The following INHBE variants were observed in gnomAD, a reference collection of about 807,000 sequenced individuals.
INHBE encodes inhibin beta E chain.
In INHBE, 19 loss-of-function variants were observed where a neutral mutation model predicts 27.8. That is an observed-to-expected ratio of 0.68 (90% confidence interval 0.48 to 1.00). The LOEUF (loss-of-function observed/expected upper bound fraction) is 1.00, where lower values mean the gene tolerates loss of function less well. INHBE is among the 50% of genes least tolerant of loss of function. The pLI is 0.00. For missense variants in INHBE, 398 were observed against 433.9 expected (o/e 0.92, Z 0.73); for synonymous variants, 196 against 187.2 (o/e 1.05, Z -0.38).
In INHBE at chr12:57,456,394, C is replaced by G; in HGVS notation, c.599C>G (p.Thr200Arg). ...LDCRPLEGNS[T>R]VTGQPRRLLD... Reference sequence around the variant, plus strand: ...TGCAGACCCCTAGAAGGCAACAGCACAGTTACTGGACAACCGAGGCGGCTC... The same window carrying G: ...TGCAGACCCCTAGAAGGCAACAGCAGAGTTACTGGACAACCGAGGCGGCTC... The change falls in exon 2 of 2, where the codon ACA becomes AGA. Residue 200 changes from threonine to arginine, a missense_variant. Transcript: ENST00000266646. 6.2e-7 allele frequency: 1 copy of G among 1,614,170 alleles called. No homozygotes were observed. Among genetic ancestry groups the G allele is most frequent in the Non-Finnish European group, 8.5e-7 (1 of 1,180,032 alleles).
In INHBE at chr12:57,456,637, C is replaced by T; in HGVS notation, c.842C>T (p.Pro281Leu). 2 of 1,614,172 alleles carry T rather than the reference C, an allele frequency of 1.2e-6. No homozygotes were observed. The highest frequency in any genetic ancestry group is 1.7e-6 in the Non-Finnish European group (2 of 1,180,030). The change falls in exon 2 of 2, where the codon CCT (proline) becomes CTT (leucine). Residue 281 changes from proline (P) to leucine (L), a missense_variant. By Grantham distance (98) the Pro-to-Leu change is moderately conservative (BLOSUM62 -3). Coordinates refer to ENST00000266646, the MANE Select transcript of INHBE (RefSeq NM_031479.5). Reference protein sequence around the residue: ...YQLNYCSGQCPPHLAGSPGIA... With the variant: ...YQLNYCSGQCLPHLAGSPGIA... ...CTGAATTACTGCAGTGGGCAGTGCC[C>T]TCCCCACCTGGCTGGCAGCCCAGGC...
Position 57,456,671 on chromosome 12 carries a change from C to A in INHBE, c.876C>A (p.Ala292=). The change falls in exon 2 of 2, where the codon GCC becomes GCA. Residue 292 remains alanine (A), a synonymous_variant. Transcript: ENST00000266646. The part of the protein sequence containing the change: ...PHLAGSPGIA[A]SFHSAVFSLL... Reference sequence around the variant, plus strand: ...TGGCTGGCAGCCCAGGCATTGCTGCCTCTTTCCATTCTGCCGTCTTCAGCC... The same window carrying A: ...TGGCTGGCAGCCCAGGCATTGCTGCATCTTTCCATTCTGCCGTCTTCAGCC... The A allele has an allele frequency of 6.2e-7, 1 of 1,614,256 alleles. No individual in the cohort carries two copies. The highest frequency in any genetic ancestry group is 2.2e-5 in the East Asian group (1 of 44,892).
At position 57,455,435 on chromosome 12, in the gene INHBE, G is replaced by T; in HGVS notation, c.-102G>T. The T allele has an allele frequency of 8.7e-7, 1 of 1,148,036 alleles. No homozygotes were observed. Among genetic ancestry groups the T allele is most frequent in the Non-Finnish European group, 1.2e-6 (1 of 803,116 alleles). The allele number at this position is 1,148,036 out of a possible 1,614,324, so 71.1% of individuals were successfully genotyped here. On this transcript the variant is annotated 5_prime_UTR_variant, in exon 1 of 2. Transcript: ENST00000266646. ...TTGGCCAAGGGTAGGTGTGGCAGTG[G>T]TGTCTGCTGTCACTGTGCCCTCATT...
At position 57,456,548 on chromosome 12, in the gene INHBE, C is replaced by T. The variant is rs571336896; in HGVS notation, c.753C>T (p.Asp251=). Residue 251 remains aspartate, a synonymous_variant, in exon 2 of 2, where the codon GAC becomes GAT. Transcript: ENST00000266646. ...EPATPLCCRR[D]HYVDFQELGW... Reference sequence around the variant, plus strand: ...CGACCCCCTTATGTTGCAGGCGAGACCATTACGTAGACTTCCAGGAACTGG... The same window carrying T: ...CGACCCCCTTATGTTGCAGGCGAGATCATTACGTAGACTTCCAGGAACTGG... 5.6e-4 allele frequency: 907 copies of T among 1,614,162 alleles called. 10 individuals carry two copies. The South Asian group carries it at 8.2e-3, about 15-fold the overall frequency.
chr12:57,456,804 A>T lies in INHBE; in HGVS notation c.1009A>T (p.Thr337Ser), dbSNP rs1349029903. Residue 337 changes from threonine (T) to serine (S), a missense_variant, in exon 2 of 2, where the codon ACG (threonine) becomes TCG (serine). By Grantham distance (58) the Thr-to-Ser change is moderately conservative. Transcript: ENST00000266646. ...GGATCATAATGGCAATGTGGTCAAG[A>T]CGGATGTGCCAGATATGGTGGTGGA... ...YLDHNGNVVKTDVPDMVVEAC... is the reference protein window; with the variant it reads ...YLDHNGNVVKSDVPDMVVEAC... 6.2e-7 allele frequency: 1 copy of T among 1,614,056 alleles called. No individual in the cohort carries two copies. The highest frequency in any genetic ancestry group is 2.2e-5 in the East Asian group (1 of 44,858).
Position 57,456,645 on chromosome 12 carries a change from C to T in INHBE, c.850C>T (p.Leu284=). The T allele has an allele frequency of 6.2e-7, 1 of 1,614,230 alleles. No homozygotes were observed. The highest frequency in any genetic ancestry group is 1.1e-5 in the South Asian group (1 of 91,088). The change falls in exon 2 of 2, where the codon CTG becomes TTG. Residue 284 remains leucine, a synonymous_variant. Coordinates refer to ENST00000266646, the MANE Select transcript of INHBE (RefSeq NM_031479.5). The stretch of plus-strand genomic sequence containing the variant: ...CTGCAGTGGGCAGTGCCCTCCCCAC[C>T]TGGCTGGCAGCCCAGGCATTGCTGC... ...NYCSGQCPPH[L]AGSPGIAASF... is the part of the protein sequence containing the mutation.
Position 57,456,235 on chromosome 12 carries a change from C to T in INHBE, c.440C>T (p.Pro147Leu), listed in dbSNP as rs776724087. ...TLCLRIFRWG[P>L]RRRRQGSRTL... ...TGCTTGAGGATCTTCCGATGGGGAC[C>T]AAGGAGGAGGCGCCAAGGGTCCCGC... The change falls in exon 2 of 2, where the codon CCA becomes CTA. Residue 147 changes from proline (P) to leucine (L), a missense_variant. Physicochemically the swap from Pro to Leu is moderately conservative, Grantham distance 98 (BLOSUM62 -3). Transcript: ENST00000266646. 6.2e-7 allele frequency: 1 copy of T among 1,614,092 alleles called. No individual in the cohort carries two copies.
chr12:57,456,871 G>T lies in INHBE; in HGVS notation c.*23G>T, dbSNP rs576228282. 6.3e-7 allele frequency: 1 copy of T among 1,599,534 alleles called. No homozygotes were observed. Among genetic ancestry groups the T allele is most frequent in the Non-Finnish European group, 8.5e-7 (1 of 1,171,470 alleles). ...TAGCAAGAGGACCTGGGGCTTTGGA[G>T]TGAAGAGACCAAGATGAAGTTTCCC... On this transcript the variant is annotated 3_prime_UTR_variant, in exon 2 of 2. Coordinates refer to ENST00000266646, the MANE Select transcript of INHBE (RefSeq NM_031479.5).
chr12:57,456,586 G>T lies in INHBE; in HGVS notation c.791G>T (p.Trp264Leu). Residue 264 changes from tryptophan to leucine, a missense_variant, in exon 2 of 2, where the codon TGG (tryptophan) becomes TTG (leucine). Physicochemically the swap from Trp to Leu is moderately conservative, Grantham distance 61. Transcript: ENST00000266646. ...TTCCAGGAACTGGGATGGCGGGACT[G>T]GATACTGCAGCCCGAGGGGTACCAG... ...VDFQELGWRDWILQPEGYQLN... is the reference protein window; with the variant it reads ...VDFQELGWRDLILQPEGYQLN... The T allele has an allele frequency of 6.2e-7, 1 of 1,614,206 alleles. No homozygotes were observed. The highest frequency in any genetic ancestry group is 1.1e-5 in the South Asian group (1 of 91,090).
In INHBE at chr12:57,457,153, G is replaced by C. The variant is rs150144011; in HGVS notation, c.*305G>C. On this transcript the variant is annotated 3_prime_UTR_variant, in exon 2 of 2. Coordinates refer to ENST00000266646, the MANE Select transcript of INHBE (RefSeq NM_031479.5). ...TGTCAGGGACTAGGGAGGGAGGGAG[G>C]GAAGGCAGAGAAAAATTACTTAGCC... 6.7e-3 allele frequency: 1,922 copies of C among 288,178 alleles called. 56 individuals are homozygous for C. The highest frequency in any genetic ancestry group is 0.023 in the Middle Eastern group (22 of 952). The allele number at this position is 288,178 out of a possible 1,614,324, so 17.9% of individuals were successfully genotyped here.
rs777681034 is a variant in INHBE, at chr12:57,456,495, A to G, written c.700A>G (p.Arg234Gly). The change falls in exon 2 of 2, where the codon AGG becomes GGG. Residue 234 changes from arginine to glycine, a missense_variant. By Grantham distance (125) the Arg-to-Gly change is moderately radical (BLOSUM62 -2). Coordinates refer to ENST00000266646, the MANE Select transcript of INHBE (RefSeq NM_031479.5). ...CAATGAGCCTGGAGCAGGCCGGGCC[A>G]GGAGGAGGACCCCCACCTGTGAGCC... ...RANEPGAGRA[R>G]RRTPTCEPAT... The G allele has an allele frequency of 6.2e-7, 1 of 1,614,174 alleles. No individual in the cohort carries two copies. The highest frequency in any genetic ancestry group is 1.1e-5 in the South Asian group (1 of 91,084).
In INHBE at chr12:57,455,766, G is replaced by A. The variant is rs780594253; in HGVS notation, c.230G>A (p.Arg77Gln). The A allele has an allele frequency of 2.9e-5, 46 of 1,614,002 alleles. No individual in the cohort carries two copies. The highest frequency in any genetic ancestry group is 1.9e-5 in the Non-Finnish European group (23 of 1,179,960). ...CAGGCAGCGCTGACCAGAGCCCTCC[G>A]GAGACTACAGCCAGGGAGTGTGGCT... ...PPQAALTRAL[R>Q]RLQPGSVAPG... is the part of the protein sequence containing the mutation. The change falls in exon 1 of 2, where the codon CGG (arginine) becomes CAG (glutamine). Residue 77 changes from arginine (R) to glutamine (Q), a missense_variant. Physicochemically the swap from Arg to Gln is conservative, Grantham distance 43. Coordinates refer to ENST00000266646, the MANE Select transcript of INHBE (RefSeq NM_031479.5).
At position 57,456,717 on chromosome 12, in the gene INHBE, T is replaced by C; in HGVS notation, c.922T>C (p.Trp308Arg). The change falls in exon 2 of 2, where the codon TGG (tryptophan) becomes CGG (arginine). Residue 308 changes from tryptophan (W) to arginine (R), a missense_variant. Transcript: ENST00000266646. ...CAGCCTCCTCAAAGCCAACAATCCT[T>C]GGCCTGCCAGTACCTCCTGTTGTGT... is the stretch of plus-strand genomic sequence containing the variant. ...VFSLLKANNP[W>R]PASTSCCVPT... 6.2e-7 allele frequency: 1 copy of C among 1,614,218 alleles called. No individual in the cohort carries two copies.
At chr12:57,455,881 A>G in intron 1 of INHBE, 47 bp downstream of exon 1, 1 of 1,568,670 alleles carries the variant, frequency 6.4e-7, no homozygotes, top group Non-Finnish European at 8.7e-7. Context: ...AGGGAAAGGG[A>G]GGCAGAAGGG....
At position 57,455,439 on chromosome 12, in the gene INHBE, CT is replaced by C; in HGVS notation, c.-97del. ...CCAAGGGTAGGTGTGGCAGTGGTGT[CT>C]GCTGTCACTGTGCCCTCATTGGCCC... is the stretch of plus-strand genomic sequence containing the variant. On this transcript the variant is annotated 5_prime_UTR_variant, in exon 1 of 2. Transcript: ENST00000266646. 8.2e-7 allele frequency: 1 copy of C among 1,213,420 alleles called. No homozygotes were observed. The allele number at this position is 1,213,420 out of a possible 1,614,324, so 75.2% of individuals were successfully genotyped here.
In INHBE at chr12:57,456,534, T is replaced by A; in HGVS notation, c.739T>A (p.Cys247Ser). 1 of 1,614,104 alleles carries A rather than the reference T, an allele frequency of 6.2e-7. No homozygotes were observed. Among genetic ancestry groups the A allele is most frequent in the Non-Finnish European group, 8.5e-7 (1 of 1,180,012 alleles). Residue 247 changes from cysteine to serine, a missense_variant, in exon 2 of 2, where the codon TGT becomes AGT. Coordinates refer to ENST00000266646, the MANE Select transcript of INHBE (RefSeq NM_031479.5). ...CACCTGTGAGCCTGCGACCCCCTTA[T>A]GTTGCAGGCGAGACCATTACGTAGA... ...TPTCEPATPL[C>S]CRRDHYVDFQ...
At chr12:57,455,994 AG>A (rs2139839696) in intron 1 of INHBE, 99 bp from the exon 2 acceptor site, 1 of 1,447,258 alleles carries the variant, frequency 6.9e-7, no homozygotes, top group East Asian at 2.3e-5. Context: ...ACTTTTCTAG[AG>A]GTAGGTTCGA....
intron 1 of INHBE, 49 bp downstream of exon 1, chr12:57,455,883 G>A: frequency 6.4e-7 from 1 of 1,561,992 alleles, no homozygotes; most frequent in Non-Finnish European, 8.8e-7. Context: ...GGAAAGGGAG[G>A]CAGAAGGGGA....
Position 57,455,338 on chromosome 12 carries a change from A to C in INHBE, c.-199A>C, listed in dbSNP as rs1870798804. 2 of 595,548 alleles carry C rather than the reference A, an allele frequency of 3.4e-6. No homozygotes were observed. The highest frequency in any genetic ancestry group is 4.1e-5 in the South Asian group (2 of 49,254). The allele number at this position is 595,548 out of a possible 1,614,324, so 36.9% of individuals were successfully genotyped here. Reference sequence around the variant, plus strand: ...CAGACATGAGCTGTGAGGGTCAAGCACAGCTATCCATCAGATGATCTACTT... The same window carrying C: ...CAGACATGAGCTGTGAGGGTCAAGCCCAGCTATCCATCAGATGATCTACTT... On this transcript the variant is annotated 5_prime_UTR_variant, in exon 1 of 2. Transcript: ENST00000266646.
Sources: allele counts gnomAD v4.1 joint callset, GRCh38; gene constraint gnomAD v4.1.1; transcripts MANE v1.5; gene names NCBI Gene and HGNC (gene_info 2026-07-23, HGNC 2026-07-21).